The following IGDCC3 variants were observed in gnomAD, a reference collection of about 807,000 sequenced individuals.
IGDCC3 encodes putative neuronal cell adhesion molecule.
In IGDCC3, 47 loss-of-function variants were observed where a neutral mutation model predicts 72.0. That is an observed-to-expected ratio of 0.65 (90% CI 0.52 to 0.83). The LOEUF (loss-of-function observed/expected upper bound fraction) is 0.83, where lower values mean the gene tolerates loss of function less well. Among genes scored for constraint, IGDCC3 ranks in the 40% least tolerant of loss-of-function variants. The pLI, the probability that IGDCC3 is intolerant of heterozygous loss-of-function variation, is 0.00. For missense variants in IGDCC3, 1,038 were observed against 1,091.3 expected, an observed-to-expected ratio of 0.95 and a Z score of 0.69; for synonymous variants, 477 against 472.8, an observed-to-expected ratio of 1.01 and a Z score of -0.11.
chr15:65,345,950 G>C (rs918560435), intron 2 of IGDCC3, among the ~76,000 whole-genome samples: 4 of 152,112 alleles, frequency 2.6e-5, no homozygotes, highest in Non-Finnish European at 5.9e-5. Flanking sequence ...CCTCAGCGGG[G>C]AAATACATAT....
intron 2 of IGDCC3, among the ~76,000 whole-genome samples, chr15:65,362,221 G>C (rs975679087): frequency 6.6e-6 from 1 of 152,168 alleles, no homozygotes; most frequent in Admixed American, 6.5e-5. Flanking sequence ...TTTTAGGAAT[G>C]TTTTAATCTG....
At chr15:65,337,097 C>G (rs989499762) in intron 2 of IGDCC3, among the ~76,000 whole-genome samples, 5 of 152,146 alleles carry the variant, frequency 3.3e-5, no homozygotes, top group Non-Finnish European at 5.9e-5. Context: ...CTCCCCGTGG[C>G]CCCCATCCCC....
intron 2 of IGDCC3, among the ~76,000 whole-genome samples, chr15:65,351,558 C>T (rs2091174263): frequency 6.6e-6 from 1 of 150,930 alleles, no homozygotes; most frequent in African/African-American, 2.4e-5. Flanking sequence ...AAGAATCTTA[C>T]CTTACGGTTA....
In IGDCC3 at chr15:65,331,666, G is replaced by T. The variant is rs774415331; in HGVS notation, c.1149-7C>A. The stretch of plus-strand genomic sequence containing the variant: ...TCCAGAAATGGTCAGTGTGCTGCAG[G>T]GGAGAGAGACAGCCTCAGGTTCCCT... On this transcript the variant is annotated splice_region_variant and splice_polypyrimidine_tract_variant and intron_variant, in intron 7 of 13. Coordinates refer to ENST00000327987, the MANE Select transcript of IGDCC3 (RefSeq NM_004884.4). The T allele has an allele frequency of 2.5e-6, 4 of 1,587,590 alleles. No individual in the cohort carries two copies. In the South Asian group the frequency reaches 3.4e-5, roughly 14 times the overall value.
At position 65,327,616 on chromosome 15, in the gene IGDCC3, AG is replaced by A. The variant is rs772332022; in HGVS notation, c.*1292del. On this transcript the variant is annotated 3_prime_UTR_variant, in exon 14 of 14. Transcript: ENST00000327987. ...GTTTTCTTTTCTTCTTCTTTAACTA[AG>A]TAGTTCAAAGAACAACACAACAGAA... The A allele has an allele frequency of 2.5e-4, 38 of 152,752 alleles. No homozygotes were observed. Among genetic ancestry groups the A allele is most frequent in the Non-Finnish European group, 4.8e-4 (33 of 68,042 alleles). 9.5% of individuals were successfully genotyped at this position (152,752 alleles called of 1,614,324 possible).
chr15:65,331,551 C>G lies in IGDCC3; in HGVS notation c.1257G>C (p.Trp419Cys). The G allele has an allele frequency of 6.2e-7, 1 of 1,613,804 alleles. No homozygotes were observed. ...SQASARLTVL[W>C]AEGLPGPPRN... ...GGGGAGGCCCGGGGAGCCCCTCAGC[C>G]CACAGTACGGTCAGCCTGGCACTGG... The change falls in exon 8 of 14, where the codon TGG becomes TGC. Residue 419 changes from tryptophan (W) to cysteine (C), a missense_variant. By Grantham distance (215) the Trp-to-Cys change is radical (BLOSUM62 -2). Transcript: ENST00000327987.
intron 2 of IGDCC3, among the ~76,000 whole-genome samples, chr15:65,363,374 C>T (rs1183716493): frequency 6.6e-6 from 1 of 152,164 alleles, no homozygotes; most frequent in African/African-American, 2.4e-5. Flanking sequence ...GGCTGGGGAG[C>T]GAGTGTGTAG....
Position 65,329,793 on chromosome 15 carries a change from C to T in IGDCC3, c.1930G>A (p.Gly644Ser), listed in dbSNP as rs774513650. 9.9e-6 allele frequency: 16 copies of T among 1,613,986 alleles called. No homozygotes were observed. The highest frequency in any genetic ancestry group is 7.7e-5 in the South Asian group (7 of 91,084). ...NQTSTTGIVI[G>S]IHIGVTCIIF... ...ATGCAAGTGACCCCGATGTGGATGC[C>T]GATGACGATGCCTGTGGTGGACGTC... The change falls in exon 12 of 14, where the codon GGC becomes AGC. Residue 644 changes from glycine (G) to serine (S), a missense_variant. Transcript: ENST00000327987. This position sits in a 1 kb window ranked among gnomAD's most constrained non-coding sequence, Gnocchi z 4.1.
chr15:65,368,194 A>ACACG (rs2091300799), intron 2 of IGDCC3, among the ~76,000 whole-genome samples: 1 of 121,972 alleles, frequency 8.2e-6, no homozygotes, highest in African/African-American at 2.8e-5. Flanking sequence ...ACACACACAC[A>ACACG]CACACCAGCC....
intron 2 of IGDCC3, among the ~76,000 whole-genome samples, chr15:65,372,794 C>A (rs1053627923): frequency 6.6e-6 from 1 of 152,168 alleles, no homozygotes; most frequent in Non-Finnish European, 1.5e-5. Context: ...GGAGTTATTA[C>A]GAAGGAGGAA....
In IGDCC3 at chr15:65,329,384, A is replaced by G. The variant is rs745948454; in HGVS notation, c.2205+6T>C. The G allele has an allele frequency of 2.5e-6, 4 of 1,580,176 alleles. No individual in the cohort carries two copies. The highest frequency in any genetic ancestry group is 3.4e-6 in the Non-Finnish European group (4 of 1,167,856). On this transcript the variant is annotated splice_donor_region_variant and intron_variant, in intron 13 of 13. Coordinates refer to ENST00000327987, the MANE Select transcript of IGDCC3 (RefSeq NM_004884.4). This position sits in a 1 kb window ranked among gnomAD's most constrained non-coding sequence, Gnocchi z 4.1. ...GCGGGGGTTTGTTTAAGACATGGGC[A>G]CTCACTGTGGGTCTGGGGTCCGGCT... is the stretch of plus-strand genomic sequence containing the variant.
At chr15:65,376,578 A>G (rs113715375) in intron 1 of IGDCC3, among the ~76,000 whole-genome samples, 95 of 152,204 alleles carry the variant, frequency 6.2e-4, no homozygotes, top group Non-Finnish European at 1.2e-3. Context: ...CGTTGGGGTT[A>G]TAGGCATTCC....
At chr15:65,340,893 T>C (rs1335037044) in intron 2 of IGDCC3, among the ~76,000 whole-genome samples, 1 of 152,180 alleles carries the variant, frequency 6.6e-6, no homozygotes. Context: ...CATGCCCAGC[T>C]AATTTTTGTA....
chr15:65,358,489 T>C (rs2091240376), intron 2 of IGDCC3, among the ~76,000 whole-genome samples: 1 of 152,198 alleles, frequency 6.6e-6, no homozygotes, highest in Non-Finnish European at 1.5e-5. Context: ...TACAAATACA[T>C]TTGTCACTAT....
rs188714031 is a variant in IGDCC3 at position 65,348,692 on chromosome 15, C to T, written c.410-12736G>A. Reference sequence around the variant, plus strand: ...CTTGACCGACCCCGGGTTAGAGGCCCGACTTAGGAGGGTTAGAGTCCCTTC... The same window carrying T: ...CTTGACCGACCCCGGGTTAGAGGCCTGACTTAGGAGGGTTAGAGTCCCTTC... On this transcript the variant is annotated intron_variant, in intron 2 of 13. Transcript: ENST00000327987. Among the ~76,000 whole-genome samples, 219 of 152,248 alleles carry T rather than the reference C, an allele frequency of 1.4e-3. No homozygotes were observed. The Middle Eastern group carries it at 0.017, about 12-fold the overall frequency.
chr15:65,361,183 CTTTG>C (rs544766400), intron 2 of IGDCC3, among the ~76,000 whole-genome samples: 204 of 151,962 alleles, frequency 1.3e-3, no homozygotes, highest in Middle Eastern at 6.8e-3. Context: ...AATCCCAGTA[CTTTG>C]TTTGGCCGAG....
At chr15:65,343,828 A>G (rs937952158) in intron 2 of IGDCC3, among the ~76,000 whole-genome samples, 1 of 152,190 alleles carries the variant, frequency 6.6e-6, no homozygotes, top group Non-Finnish European at 1.5e-5. Context: ...CTAAAAGTCT[A>G]TGAGGAGAAA....
At chr15:65,376,335 A>G (rs981993398) in intron 1 of IGDCC3, among the ~76,000 whole-genome samples, 4 of 152,258 alleles carry the variant, frequency 2.6e-5, no homozygotes, top group African/African-American at 9.6e-5. Context: ...TGGAGGGACA[A>G]GCACTCCAAT....
In IGDCC3 at chr15:65,329,970, T is replaced by G; in HGVS notation, c.1859-106A>C. 8.1e-7 allele frequency: 1 copy of G among 1,231,210 alleles called. No individual in the cohort carries two copies. Among genetic ancestry groups the G allele is most frequent in the Non-Finnish European group, 1.2e-6 (1 of 860,586 alleles). 76.3% of individuals were successfully genotyped at this position (1,231,210 alleles called of 1,614,324 possible). On this transcript the variant is annotated intron_variant, in intron 11 of 13. Transcript: ENST00000327987. This position sits in a 1 kb window ranked among gnomAD's most constrained non-coding sequence, Gnocchi z 4.1. ...TCCTTCAGCTGCTCCCACTCCCAAG[T>G]GGGAGTGGGAACATCCTTTGACTTT...
Sources: allele counts gnomAD v4.1 joint callset (sites outside exome capture counted in the v4.1 genomes callset), GRCh38; gene constraint gnomAD v4.1.1; non-coding constraint Gnocchi (gnomAD v3.1); transcripts MANE v1.5; gene names NCBI Gene and HGNC (gene_info 2026-07-23, HGNC 2026-07-21).